The following PRKDC variants were observed in gnomAD, a reference collection of about 807,000 sequenced individuals.
The protein encoded by PRKDC is DNA-dependent protein kinase catalytic subunit.
PRKDC carries 82 observed loss-of-function variants against 486.9 expected under a neutral mutation model. The observed-to-expected ratio is 0.17, with a 90% confidence interval of 0.14 to 0.20. PRKDC has a LOEUF of 0.20. Among genes scored for constraint, PRKDC ranks in the 10% least tolerant of loss-of-function variants. The pLI, the probability that PRKDC is intolerant of heterozygous loss-of-function variation, is 1.00. For synonymous variants in PRKDC, 1,895 were observed against 1,837.0 expected (o/e 1.03, Z -0.81); for missense variants, 4,504 against 5,038.2 (o/e 0.89, Z 3.21).
At chr8:47,847,901 G>C (rs1042234878) in intron 54 of PRKDC, among the ~76,000 whole-genome samples, 1 of 149,328 alleles carries the variant, frequency 6.7e-6, no homozygotes, top group Non-Finnish European at 1.5e-5. Flanking sequence ...ATATATAAAA[G>C]TCATCATCAC....
intron 10 of PRKDC, among the ~76,000 whole-genome samples, chr8:47,941,238 A>G (rs907391943): frequency 3.9e-5 from 6 of 151,920 alleles, no homozygotes; most frequent in Non-Finnish European, 5.9e-5. Context: ...AAAATTATGT[A>G]TCCTTTATGT....
intron 67 of PRKDC, 70 bp downstream of exon 67, chr8:47,819,332 G>T: frequency 9.6e-7 from 1 of 1,044,488 alleles, no homozygotes; most frequent in Non-Finnish European, 1.4e-6. Flanking sequence ...TCACTAAGCA[G>T]AAAATAATTT....
intron 40 of PRKDC, among the ~76,000 whole-genome samples, chr8:47,873,227 C>CAAAAAAA (rs60385860): frequency 1.4e-5 from 1 of 71,076 alleles, no homozygotes; most frequent in African/African-American, 3.8e-5. Context: ...GACTCCATCT[C>CAAAAAAA]AAAAAAAAAA....
chr8:47,900,042 A>C (rs1265909146), intron 28 of PRKDC, among the ~76,000 whole-genome samples: 1 of 152,198 alleles, frequency 6.6e-6, no homozygotes. Context: ...TTTCTTCAGC[A>C]CCATATCTGC....
chr8:47,918,492 T>C (rs972377169), intron 21 of PRKDC, 109 bp from the exon 22 acceptor site: 6 of 648,120 alleles, frequency 9.3e-6, no homozygotes, highest in African/African-American at 1.9e-5. Context: ...AATCCTAAAT[T>C]ATGATTTAAA....
chr8:47,827,998 AAAAT>A (rs1302842555), intron 62 of PRKDC, among the ~76,000 whole-genome samples, 166 bp downstream of exon 62: 1 of 152,246 alleles, frequency 6.6e-6, no homozygotes, highest in African/African-American at 2.4e-5. Context: ...CTGGGGGGAA[AAAAT>A]AAATTACATC....
intron 57 of PRKDC, 64 bp from the exon 58 acceptor site, chr8:47,836,591 A>G: frequency 7.4e-7 from 1 of 1,347,000 alleles, no homozygotes; most frequent in Non-Finnish European, 1.0e-6. Flanking sequence ...TTTTTTAGGA[A>G]CACTGATATA....
In PRKDC at chr8:47,788,933, C is replaced by A. The variant is rs1439473648; in HGVS notation, c.10875G>T (p.Leu3625=). ...GAATAAACTTCCTTCTAAAGGCCCCCAGGCCTGGAGCCTTTGGGTCACCCA... is the reference window on the plus strand; with the variant it reads ...GAATAAACTTCCTTCTAAAGGCCCCAAGGCCTGGAGCCTTTGGGTCACCCA... ...AALGDPKAPG[L]GAFRRKFIQT... is the part of the protein sequence containing the mutation. The change falls in exon 76 of 86, where the codon CTG becomes CTT. Residue 3625 remains leucine, a synonymous_variant. Coordinates refer to ENST00000314191, the MANE Select transcript of PRKDC (RefSeq NM_006904.7). 1.9e-6 allele frequency: 3 copies of A among 1,605,042 alleles called. No homozygotes were observed. The African/African-American group carries it at 4.0e-5, about 22-fold the overall frequency.
At position 47,809,521 on chromosome 8, in the gene PRKDC, A is replaced by G. The variant is rs565981001; in HGVS notation, c.9558-2195T>C. Among the ~76,000 whole-genome samples the G allele has an allele frequency of 2.9e-3, 439 of 152,284 alleles. 3 individuals carry two copies. Among genetic ancestry groups the G allele is most frequent in the African/African-American group, 0.01 (430 of 41,562 alleles). ...TGAGACAGACTTCCTTGGGCTGTGAAGGGTGCATGCAATTTTAGGAGTGGA... is the reference window on the plus strand; with the variant it reads ...TGAGACAGACTTCCTTGGGCTGTGAGGGGTGCATGCAATTTTAGGAGTGGA... On this transcript the variant is annotated intron_variant, in intron 68 of 85. Transcript: ENST00000314191.
At chr8:47,825,610 G>GA (rs1249766097) in intron 63 of PRKDC, among the ~76,000 whole-genome samples, 3 of 148,230 alleles carry the variant, frequency 2.0e-5, no homozygotes, top group African/African-American at 7.5e-5. Flanking sequence ...AATACAGTTA[G>GA]AAAAAAATGT....
intron 49 of PRKDC, 77 bp from the exon 50 acceptor site, chr8:47,855,450 T>G: frequency 7.1e-7 from 1 of 1,410,490 alleles, no homozygotes; most frequent in Non-Finnish European, 9.5e-7. Context: ...AGTTCATTTA[T>G]AAAAGAAATC....
rs183452463 is a variant in PRKDC at position 47,904,964 on chromosome 8, G to A, written c.2947C>T (p.Leu983=). The A allele has an allele frequency of 5.0e-6, 8 of 1,612,188 alleles. No individual in the cohort carries two copies. In the East Asian group the frequency reaches 1.8e-4, roughly 36 times the overall value. ...ACDVDQVTRQ[L]YEPLVMQLIH... ...AGCTGCATAACTAGTGGCTCATACA[G>A]TTGCCTTGTCACCTGAAGAAACAAT... is the stretch of plus-strand genomic sequence containing the variant. Residue 983 remains leucine, a synonymous_variant, in exon 26 of 86, where the codon CTG becomes TTG. Coordinates refer to ENST00000314191, the MANE Select transcript of PRKDC (RefSeq NM_006904.7).
intron 21 of PRKDC, among the ~76,000 whole-genome samples, chr8:47,924,753 G>A (rs2154503300): frequency 6.6e-6 from 1 of 152,056 alleles, no homozygotes; most frequent in South Asian, 2.1e-4. Flanking sequence ...GCATCCATAA[G>A]TGAATGCACA....
chr8:47,900,451 C>T lies in PRKDC; in HGVS notation c.3286G>A (p.Val1096Met). The T allele has an allele frequency of 6.2e-7, 1 of 1,609,284 alleles. No individual in the cohort carries two copies. The highest frequency in any genetic ancestry group is 8.5e-7 in the Non-Finnish European group (1 of 1,177,786). Residue 1096 changes from valine (V) to methionine (M), a missense_variant, in exon 28 of 86, where the codon GTG (valine) becomes ATG (methionine). By Grantham distance (21) the Val-to-Met change is conservative. Coordinates refer to ENST00000314191, the MANE Select transcript of PRKDC (RefSeq NM_006904.7). The stretch of plus-strand genomic sequence containing the variant: ...AAGGCTTCAAACACAAACTGTTCCA[C>T]CAGAGACTCTTCTTCCCTGTAAAAT... ...YREFREEESL[V>M]EQFVFEALVI...
In PRKDC at chr8:47,855,322, T is replaced by C; in HGVS notation, c.6661A>G (p.Lys2221Glu). The C allele has an allele frequency of 6.2e-7, 1 of 1,600,590 alleles. No individual in the cohort carries two copies. Among genetic ancestry groups the C allele is most frequent in the Admixed American group, 1.7e-5 (1 of 58,134 alleles). ...LANRLLNFLM[K>E]HVFHPKRAVF... is the part of the protein sequence containing the mutation. The stretch of plus-strand genomic sequence containing the variant: ...GCTCTTTTTGGATGAAAGACATGTT[T>C]CATTAGGAAATTAAGCAATCGATTT... Residue 2221 changes from lysine (K) to glutamate (E), a missense_variant, in exon 50 of 86, where the codon AAA becomes GAA. Lys to Glu is a moderately conservative substitution (Grantham distance 56). Around this residue, in one of 6 missense-constraint regions of PRKDC, gnomAD observed 1,592 missense variants for 1,724.6 expected, o/e 0.92. Coordinates refer to ENST00000314191, the MANE Select transcript of PRKDC (RefSeq NM_006904.7).
At chr8:47,783,917 AC>A in intron 77 of PRKDC, 108 bp from the exon 78 acceptor site, 1 of 1,118,764 alleles carries the variant, frequency 8.9e-7, no homozygotes, top group South Asian at 1.3e-5. Flanking sequence ...ACATGATAAA[AC>A]CTTTTACTGA....
intron 69 of PRKDC, chr8:47,805,211 C>G (rs2087195171): frequency 6.6e-6 from 1 of 152,180 alleles, no homozygotes; most frequent in Admixed American, 6.5e-5. Context: ...AAATGCCAGA[C>G]TGTTTTCCAC....
In PRKDC at chr8:47,927,765, G is replaced by T; in HGVS notation, c.2259+6C>A. On this transcript the variant is annotated splice_donor_region_variant and intron_variant, in intron 20 of 85. Coordinates refer to ENST00000314191, the MANE Select transcript of PRKDC (RefSeq NM_006904.7). Reference sequence around the variant, plus strand: ...AAGAGATGGCTCTGTTCAAGACAACGCCTACCTGCAGTGCAGGAACGTAGG... The same window carrying T: ...AAGAGATGGCTCTGTTCAAGACAACTCCTACCTGCAGTGCAGGAACGTAGG... 6.6e-7 allele frequency: 1 copy of T among 1,518,450 alleles called. No homozygotes were observed. The highest frequency in any genetic ancestry group is 1.4e-5 in the South Asian group (1 of 71,636). The allele number at this position is 1,518,450 out of a possible 1,614,324, so 94.1% of individuals were successfully genotyped here.
intron 61 of PRKDC, among the ~76,000 whole-genome samples, chr8:47,828,630 TAA>T (rs1291338924): frequency 6.6e-6 from 1 of 152,228 alleles, no homozygotes; most frequent in African/African-American, 2.4e-5. Context: ...TCTCCTGAGT[TAA>T]GTCTGGGTCT....
Sources: allele counts gnomAD v4.1 joint callset (sites outside exome capture counted in the v4.1 genomes callset), GRCh38; gene constraint gnomAD v4.1.1; regional missense constraint gnomAD v4.1.1; transcripts MANE v1.5; gene names NCBI Gene and HGNC (gene_info 2026-07-23, HGNC 2026-07-21).